NHSL1: variants seen among roughly 807,000 people sequenced by gnomAD.
NHSL1 encodes the protein NHS-like protein 1.
NHSL1 carries 48 observed loss-of-function variants against 95.0 expected under a neutral mutation model. The observed-to-expected ratio is 0.51, with a 90% confidence interval of 0.40 to 0.64. The LOEUF is 0.64. Among genes scored for constraint, NHSL1 ranks in the 30% least tolerant of loss-of-function variants. The pLI is 0.00. For missense variants in NHSL1, 1,971 were observed against 2,077.7 expected (o/e 0.95, Z 1.00); for synonymous variants, 783 against 833.9 (o/e 0.94, Z 1.05).
chr6:138,490,519 G>A (rs1048847512), intron 2 of NHSL1, among the ~76,000 whole-genome samples: 5 of 152,178 alleles, frequency 3.3e-5, no homozygotes, highest in African/African-American at 1.2e-4. Flanking sequence ...GGAGCTAGGA[G>A]GCTTCATGAC....
intron 1 of NHSL1, among the ~76,000 whole-genome samples, chr6:138,518,834 G>A (rs1035741473): frequency 6.6e-5 from 10 of 152,034 alleles, no homozygotes; most frequent in African/African-American, 7.2e-5. Context: ...CCTGGCCAAC[G>A]TGGTGAAACC....
chr6:138,586,305 G>C (rs149165931), intron 1 of NHSL1, among the ~76,000 whole-genome samples: 7 of 152,212 alleles, frequency 4.6e-5, no homozygotes, highest in South Asian at 2.1e-4. Context: ...ATGTTGACCA[G>C]TCTGGTCTCG....
intron 2 of NHSL1, among the ~76,000 whole-genome samples, chr6:138,477,378 T>C (rs939432541): frequency 7.2e-5 from 11 of 152,318 alleles, no homozygotes; most frequent in African/African-American, 2.2e-4. Flanking sequence ...GGTGGGAGGA[T>C]TGCTTGAGGC....
chr6:138,448,741 T>C (rs1442183428), intron 3 of NHSL1, among the ~76,000 whole-genome samples: 3 of 152,158 alleles, frequency 2.0e-5, no homozygotes, highest in Non-Finnish European at 2.9e-5. Flanking sequence ...AGATGAGAAA[T>C]ATAAAGAAAT....
At chr6:138,671,780 G>T (rs760377821) in intron 1 of NHSL1, among the ~76,000 whole-genome samples, 8 of 152,210 alleles carry the variant, frequency 5.3e-5, no homozygotes, top group Non-Finnish European at 1.2e-4. Flanking sequence ...CGTTATTTAT[G>T]TCAGGAGAGA....
At chr6:138,506,045 T>C (rs1347561790) in intron 1 of NHSL1, among the ~76,000 whole-genome samples, 1 of 152,182 alleles carries the variant, frequency 6.6e-6, no homozygotes, top group African/African-American at 2.4e-5. Flanking sequence ...TCAGACTCAT[T>C]GAAACATTGG....
chr6:138,615,212 C>A lies in NHSL1; in HGVS notation c.96+77264G>T, dbSNP rs551762998. 6.6e-5 allele frequency among the ~76,000 whole-genome samples: 10 copies of A among 152,306 alleles called. No individual in the cohort carries two copies. The East Asian group carries it at 1.9e-3, about 29-fold the overall frequency. On this transcript the variant is annotated intron_variant, in intron 1 of 3. Coordinates refer to the NHSL1 transcript ENST00000491526. ...TCTCCAGCCAGGAGAGCCTTCCAGCCCACACCCTCCAGGAAGCAACTTGAG... is the reference window on the plus strand; with the variant it reads ...TCTCCAGCCAGGAGAGCCTTCCAGCACACACCCTCCAGGAAGCAACTTGAG...
rs1281328116 is a variant in NHSL1, at chr6:138,678,845, AT to A, written c.96+13630del. On this transcript the variant is annotated intron_variant, in intron 1 of 3. Transcript: ENST00000491526. ...CAAATGTTATCCTGTAAGTGTTACT[AT>A]AAATTATTAATGATATTAATCAAAA... Among the ~76,000 whole-genome samples, 14 of 152,370 alleles carry A rather than the reference AT, an allele frequency of 9.2e-5. No individual in the cohort carries two copies. The South Asian group carries it at 2.9e-3, about 32-fold the overall frequency.
chr6:138,528,030 G>A (rs942913338), intron 1 of NHSL1, among the ~76,000 whole-genome samples: 5 of 152,114 alleles, frequency 3.3e-5, no homozygotes, highest in Non-Finnish European at 7.4e-5. Context: ...TGAGCTAAGC[G>A]GGCCATATTC....
chr6:138,430,938 C>T lies in NHSL1; in HGVS notation c.3407G>A (p.Ser1136Asn), dbSNP rs1283413370. The T allele has an allele frequency of 6.4e-7, 1 of 1,551,702 alleles. No individual in the cohort carries two copies. The highest frequency in any genetic ancestry group is 8.7e-7 in the Non-Finnish European group (1 of 1,146,928). The change falls in exon 6 of 8, where the codon AGC becomes AAC. Residue 1136 changes from serine to asparagine, a missense_variant. Around this residue, in one of 3 missense-constraint regions of NHSL1, gnomAD observed 1,602 missense variants for 1,654.5 expected, o/e 0.97. Transcript: ENST00000343505. This position sits in a 1 kb window ranked among gnomAD's most constrained non-coding sequence, Gnocchi z 4.7. ...ESESQPASVT[S>N]SLPTPAKSSS... Reference sequence around the variant, plus strand: ...GCTCTTGGCAGGCGTCGGAAGCGAGCTTGTCACAGAGGCAGGCTGGCTTTC... The same window carrying T: ...GCTCTTGGCAGGCGTCGGAAGCGAGTTTGTCACAGAGGCAGGCTGGCTTTC...
At chr6:138,612,067 G>T (rs1309495186) in intron 1 of NHSL1, among the ~76,000 whole-genome samples, 2 of 130,224 alleles carry the variant, frequency 1.5e-5, no homozygotes, top group African/African-American at 3.1e-5. Flanking sequence ...CCAAGATCAC[G>T]CCACTGCACT....
At chr6:138,652,916 A>G (rs188133183) in intron 1 of NHSL1, among the ~76,000 whole-genome samples, 118 of 152,338 alleles carry the variant, frequency 7.7e-4, no homozygotes, top group African/African-American at 2.7e-3. Flanking sequence ...TAAGCAACAT[A>G]AGATCGGCAC....
At chr6:138,601,667 C>T (rs574553190) in intron 1 of NHSL1, among the ~76,000 whole-genome samples, 1 of 151,992 alleles carries the variant, frequency 6.6e-6, no homozygotes, top group Non-Finnish European at 1.5e-5. Flanking sequence ...CAAAAGTTGG[C>T]TGGGTGTAGT....
intron 1 of NHSL1, among the ~76,000 whole-genome samples, chr6:138,578,398 T>C (rs1027984352): frequency 6.6e-6 from 1 of 152,152 alleles, no homozygotes; most frequent in Non-Finnish European, 1.5e-5. Context: ...ACACAGAACA[T>C]GGACGTCAGA....
At chr6:138,429,365 TTCC>T (rs1189675381) in intron 7 of NHSL1, among the ~76,000 whole-genome samples, 3 of 152,312 alleles carry the variant, frequency 2.0e-5, no homozygotes, top group East Asian at 3.9e-4. Context: ...GAACATAGCA[TTCC>T]TCCTCCTGAC....
upstream of NHSL1, among the ~76,000 whole-genome samples, chr6:138,574,147 G>A (rs546012604): frequency 6.6e-6 from 1 of 152,180 alleles, no homozygotes; most frequent in East Asian, 1.9e-4. Flanking sequence ...TAGCCAGGAT[G>A]GTCTCGATCC....
intron 1 of NHSL1, among the ~76,000 whole-genome samples, chr6:138,591,286 T>C (rs932330533): frequency 1.3e-5 from 2 of 152,234 alleles, no homozygotes; most frequent in African/African-American, 4.8e-5. Flanking sequence ...TCAAATATTA[T>C]TTAAAGTAGT....
intron 1 of NHSL1, among the ~76,000 whole-genome samples, chr6:138,510,890 A>G (rs9321662): frequency 0.6 from 90,751 of 152,032 alleles, 28,698 homozygotes; most frequent in East Asian, 0.95. Flanking sequence ...CTAAAGCAAG[A>G]ATGTCACAAT....
At chr6:138,583,977 G>A (rs2114498772) in intron 1 of NHSL1, among the ~76,000 whole-genome samples, 1 of 152,230 alleles carries the variant, frequency 6.6e-6, no homozygotes, top group Middle Eastern at 3.4e-3. Context: ...AAATGAGCTG[G>A]ATGCGGTGGT....
Sources: gnomAD v4.1 joint callset for allele counts (sites outside exome capture counted in the v4.1 genomes callset) on GRCh38, gnomAD v4.1.1 for gene constraint, gnomAD v4.1.1 regional missense constraint, Gnocchi (gnomAD v3.1) non-coding constraint, MANE v1.5 for transcripts, NCBI Gene and HGNC (gene_info 2026-07-23, HGNC 2026-07-21) for gene names.